The following ZBTB8B variants were observed in gnomAD, a reference collection of about 807,000 sequenced individuals.
ZBTB8B encodes zinc finger and BTB domain-containing protein 8B.
A neutral mutation model predicts 30.3 loss-of-function variants in ZBTB8B; 17 were observed. The ratio of observed to expected loss-of-function variants is 0.56; its 90% CI spans 0.38 to 0.84. The LOEUF (loss-of-function observed/expected upper bound fraction) is 0.84. Among genes scored for constraint, ZBTB8B ranks in the 40% least tolerant of loss-of-function variants. ZBTB8B has a pLI of 0.00. For synonymous variants in ZBTB8B, 248 were observed against 255.6 expected, an observed-to-expected ratio of 0.97 and a Z score of 0.28; for missense variants, 515 against 644.9, an observed-to-expected ratio of 0.80 and a Z score of 2.18.
intron 1 of ZBTB8B, 68 bp from the exon 2 acceptor site, chr1:32,470,516 A>AG (rs1444881177): frequency 5.3e-6 from 6 of 1,122,018 alleles, no homozygotes; most frequent in Middle Eastern, 3.4e-4. Context: ...AAAAAAAAAA[A>AG]AAAAAAAAAA....
chr1:32,470,686 AC>A lies in ZBTB8B; in HGVS notation c.63del (p.Phe23SerfsTer58). On this transcript the variant is annotated frameshift_variant, in exon 2 of 4. Coordinates refer to ENST00000609129, the MANE Select transcript of ZBTB8B (RefSeq NM_001145720.2). LOFTEE classifies it high-confidence loss of function. ...LGELNEQRKRDFFCDCSIIVE... is the reference protein window; with the variant it reads ...LGELNEQRKRXFFCDCSIIVE... ...GAGCTGAATGAACAGAGAAAGAGGG[AC>A]TTTTTCTGTGACTGCAGCATCATTG... is the stretch of plus-strand genomic sequence containing the variant. The A allele has an allele frequency of 1.3e-6, 2 of 1,551,548 alleles. No homozygotes were observed. Among genetic ancestry groups the A allele is most frequent in the Non-Finnish European group, 1.7e-6 (2 of 1,146,976 alleles).
Position 32,471,052 on chromosome 1 carries a change from C to T in ZBTB8B, c.428C>T (p.Ala143Val), listed in dbSNP as rs1036949032. 3.0e-5 allele frequency: 46 copies of T among 1,544,674 alleles called. No individual in the cohort carries two copies. Among genetic ancestry groups the T allele is most frequent in the Middle Eastern group, 1.7e-4 (1 of 5,988 alleles). Residue 143 changes from alanine to valine, a missense_variant, in exon 2 of 4, where the codon GCG (alanine) becomes GTG (valine). Ala to Val is a moderately conservative substitution (Grantham distance 64). Around this residue, in one of 3 missense-constraint regions of ZBTB8B, gnomAD observed 429 missense variants for 504.3 expected, o/e 0.85. Transcript: ENST00000609129. Reference sequence around the variant, plus strand: ...GCTGCAGCAGTGGCGGCGGCAGCGGCGGCGGCTGCAGCGGCGGCAGCAGCG... The same window carrying T: ...GCTGCAGCAGTGGCGGCGGCAGCGGTGGCGGCTGCAGCGGCGGCAGCAGCG... Reference protein sequence around the residue: ...AVAAAVAAAAAAAAAAAAAAA... With the variant: ...AVAAAVAAAAVAAAAAAAAAA...
In ZBTB8B at chr1:32,485,500, G is replaced by C; in HGVS notation, c.*82G>C. ...TGAAAGATACCATTTGTCCAATTTTGTGGAACCCTGAGAGGAACATTTTTT... is the reference window on the plus strand; with the variant it reads ...TGAAAGATACCATTTGTCCAATTTTCTGGAACCCTGAGAGGAACATTTTTT... On this transcript the variant is annotated 3_prime_UTR_variant, in exon 4 of 4. Coordinates refer to ENST00000609129, the MANE Select transcript of ZBTB8B (RefSeq NM_001145720.2). 1 of 1,378,326 alleles carries C rather than the reference G, an allele frequency of 7.3e-7. No individual in the cohort carries two copies. Among genetic ancestry groups the C allele is most frequent in the Non-Finnish European group, 9.9e-7 (1 of 1,013,548 alleles). The allele number at this position is 1,378,326 out of a possible 1,614,324, so 85.4% of individuals were successfully genotyped here. A position where few individuals can be genotyped will look rare whatever the true frequency, so the allele number is the denominator to read the frequency against.
chr1:32,471,401 G>C lies in ZBTB8B; in HGVS notation c.777G>C (p.Glu259Asp). The C allele has an allele frequency of 6.4e-7, 1 of 1,551,838 alleles. No individual in the cohort carries two copies. Among genetic ancestry groups the C allele is most frequent in the South Asian group, 1.2e-5 (1 of 84,070 alleles). The change falls in exon 2 of 4, where the codon GAG (glutamate) becomes GAC (aspartate). Residue 259 changes from glutamate (E) to aspartate (D), a missense_variant. This residue lies in a region of ZBTB8B where 429 missense variants were observed against 504.3 expected (regional missense o/e 0.85). Transcript: ENST00000609129. ...YAAPLNLAHV[E>D]EALPSGQAVD... The stretch of plus-strand genomic sequence containing the variant: ...CCCCGCTGAACCTGGCCCACGTGGA[G>C]GAGGCCTTGCCAAGCGGCCAGGCGG...
At chr1:32,483,627 T>C (rs1643723807) in intron 3 of ZBTB8B, among the ~76,000 whole-genome samples, 1 of 152,060 alleles carries the variant, frequency 6.6e-6, no homozygotes, top group South Asian at 2.1e-4. Flanking sequence ...CACACCAACA[T>C]GGCATGTGTA....
At chr1:32,482,934 A>T (rs960514450) in intron 3 of ZBTB8B, among the ~76,000 whole-genome samples, 2 of 151,856 alleles carry the variant, frequency 1.3e-5, no homozygotes, top group South Asian at 4.2e-4. Context: ...GTGAGATGCC[A>T]CTTCCCACCC....
At chr1:32,483,422 C>T (rs887882133) in intron 3 of ZBTB8B, among the ~76,000 whole-genome samples, 24 of 151,400 alleles carry the variant, frequency 1.6e-4, no homozygotes, top group Non-Finnish European at 2.9e-4. Flanking sequence ...AAGACGGCGT[C>T]TCAAAAAAAA....
rs1643753863 is a variant in ZBTB8B, at chr1:32,487,484, A to AC, written c.*2068dup. Reference sequence around the variant, plus strand: ...GTTGGATACCAGCCTGTACAGCAGGACCACGTATTGGTCTGCAGTAGAATG... The same window carrying AC: ...GTTGGATACCAGCCTGTACAGCAGGACCCACGTATTGGTCTGCAGTAGAATG... On this transcript the variant is annotated 3_prime_UTR_variant, in exon 4 of 4. Transcript: ENST00000609129. The AC allele has an allele frequency of 1.3e-5, 2 of 152,278 alleles. No homozygotes were observed. The highest frequency in any genetic ancestry group is 4.8e-5 in the African/African-American group (2 of 41,466). The allele number at this position is 152,278 out of a possible 1,614,324, so 9.4% of individuals were successfully genotyped here.
intron 2 of ZBTB8B, among the ~76,000 whole-genome samples, chr1:32,474,409 A>G (rs1462394021): frequency 1.4e-5 from 2 of 145,166 alleles, no homozygotes; most frequent in Non-Finnish European, 3.0e-5. Flanking sequence ...GCGTCATTGC[A>G]TGTACCCATA....
chr1:32,466,062 G>A (rs986500192), intron 1 of ZBTB8B, among the ~76,000 whole-genome samples: 2 of 152,160 alleles, frequency 1.3e-5, no homozygotes, highest in African/African-American at 2.4e-5. Context: ...AATTTAAAAA[G>A]TAAAATGAAT....
At chr1:32,482,644 C>T (rs1394572805) in intron 3 of ZBTB8B, among the ~76,000 whole-genome samples, 1 of 131,746 alleles carries the variant, frequency 7.6e-6, no homozygotes, top group Non-Finnish European at 1.5e-5. Context: ...GCACTCCAGC[C>T]TGGTAACAGA....
intron 2 of ZBTB8B, 94 bp downstream of exon 2, chr1:32,471,709 C>A: frequency 7.4e-7 from 1 of 1,347,560 alleles, no homozygotes; most frequent in Non-Finnish European, 1.0e-6. Flanking sequence ...TTATCACCAT[C>A]ATCATTGTCA....
rs1201733420 is a variant in ZBTB8B, at chr1:32,485,664, A to C, written c.*246A>C. On this transcript the variant is annotated 3_prime_UTR_variant, in exon 4 of 4. Transcript: ENST00000609129. ...GCCACTCCTTAATTCTGAGTGAGTCAAAGCAGGCCCTGAGGTCTCCTGTTT... is the reference window on the plus strand; with the variant it reads ...GCCACTCCTTAATTCTGAGTGAGTCCAAGCAGGCCCTGAGGTCTCCTGTTT... The C allele has an allele frequency of 2.0e-6, 1 of 502,786 alleles. No individual in the cohort carries two copies. The allele number at this position is 502,786 out of a possible 1,614,324, so 31.1% of individuals were successfully genotyped here. A position where few individuals can be genotyped will look rare whatever the true frequency, so the allele number is the denominator to read the frequency against.
chr1:32,482,966 G>T (rs1034279276), intron 3 of ZBTB8B, among the ~76,000 whole-genome samples: 1 of 151,758 alleles, frequency 6.6e-6, no homozygotes, highest in Non-Finnish European at 1.5e-5. Context: ...GCTAATTGTG[G>T]GTGGCTCTCC....
Position 32,471,302 on chromosome 1 carries a change from G to T in ZBTB8B, c.678G>T (p.Arg226=). 1.3e-6 allele frequency: 2 copies of T among 1,551,826 alleles called. No individual in the cohort carries two copies. The highest frequency in any genetic ancestry group is 1.7e-6 in the Non-Finnish European group (2 of 1,147,026). The part of the protein sequence containing the change: ...ADSNLSTPPK[R]IEPKVEFDAD... ...GCAACCTCTCTACTCCACCCAAACG[G>T]ATAGAGCCCAAGGTGGAATTTGATG... is the stretch of plus-strand genomic sequence containing the variant. The change falls in exon 2 of 4, where the codon CGG becomes CGT. Residue 226 remains arginine, a synonymous_variant. Coordinates refer to ENST00000609129, the MANE Select transcript of ZBTB8B (RefSeq NM_001145720.2).
At position 32,485,516 on chromosome 1, in the gene ZBTB8B, AAC is replaced by A; in HGVS notation, c.*100_*101del. The A allele has an allele frequency of 8.1e-7, 1 of 1,234,360 alleles. No homozygotes were observed. The highest frequency in any genetic ancestry group is 1.5e-5 in the South Asian group (1 of 64,572). 76.5% of individuals were successfully genotyped at this position (1,234,360 alleles called of 1,614,324 possible). A position where few individuals can be genotyped will look rare whatever the true frequency, so the allele number is the denominator to read the frequency against. ...TCCAATTTTGTGGAACCCTGAGAGG[AAC>A]ATTTTTTCACTGTTATTATATGTGC... On this transcript the variant is annotated 3_prime_UTR_variant, in exon 4 of 4. Transcript: ENST00000609129.
rs530570298 is a variant in ZBTB8B at position 32,481,061 on chromosome 1, G to A, written c.1162G>A (p.Ala388Thr). The A allele has an allele frequency of 1.4e-5, 21 of 1,550,854 alleles. No homozygotes were observed. Among genetic ancestry groups the A allele is most frequent in the Non-Finnish European group, 1.7e-5 (19 of 1,146,574 alleles). The change falls in exon 3 of 4, where the codon GCA becomes ACA. Residue 388 changes from alanine to threonine, a missense_variant. This residue lies in a region of ZBTB8B where 429 missense variants were observed against 504.3 expected (regional missense o/e 0.85). Transcript: ENST00000609129. Reference sequence around the variant, plus strand: ...TCGACAAGAGCACCTGCGGAGCCACGCACTGAGTGTAAGTGTTCGAGCTGG... The same window carrying A: ...TCGACAAGAGCACCTGCGGAGCCACACACTGAGTGTAAGTGTTCGAGCTGG... ...FTRQEHLRSHALSVHRSNRPI... is the reference protein window; with the variant it reads ...FTRQEHLRSHTLSVHRSNRPI...
Position 32,485,295 on chromosome 1 carries a change from C to T in ZBTB8B, c.1365C>T (p.Ser455=), listed in dbSNP as rs367674293. The T allele has an allele frequency of 1.2e-4, 188 of 1,552,182 alleles. No homozygotes were observed. The African/African-American group carries it at 2.2e-3, about 18-fold the overall frequency. ...VEASSESQEK[S]DTDNDWPIYV... ...CTTCATCTGAAAGCCAAGAAAAGAG[C>T]GACACAGACAATGACTGGCCAATCT... Residue 455 remains serine (S), a synonymous_variant, in exon 4 of 4, where the codon AGC becomes AGT. Coordinates refer to ENST00000609129, the MANE Select transcript of ZBTB8B (RefSeq NM_001145720.2).
In ZBTB8B at chr1:32,485,320, T is replaced by C. The variant is rs529855883; in HGVS notation, c.1390T>C (p.Tyr464His). 6.4e-7 allele frequency: 1 copy of C among 1,552,244 alleles called. No homozygotes were observed. The highest frequency in any genetic ancestry group is 2.0e-5 in the Admixed American group (1 of 50,986). The change falls in exon 4 of 4, where the codon TAT becomes CAT. Residue 464 changes from tyrosine to histidine, a missense_variant. By Grantham distance (83) the Tyr-to-His change is moderately conservative. Transcript: ENST00000609129. Reference sequence around the variant, plus strand: ...CGACACAGACAATGACTGGCCAATCTATGTGGAGTCGGGTGAGGAAAATGA... The same window carrying C: ...CGACACAGACAATGACTGGCCAATCCATGTGGAGTCGGGTGAGGAAAATGA... ...KSDTDNDWPI[Y>H]VESGEENDPA...
Sources: gnomAD v4.1 joint callset for allele counts (sites outside exome capture counted in the v4.1 genomes callset) on GRCh38, gnomAD v4.1.1 for gene constraint, gnomAD v4.1.1 regional missense constraint, MANE v1.5 for transcripts, NCBI Gene and HGNC (gene_info 2026-07-23, HGNC 2026-07-21) for gene names.